TSPEAR: variants seen among roughly 807,000 people sequenced by gnomAD.
TSPEAR encodes thrombospondin-type laminin G domain and EAR repeat-containing protein.
Under a neutral mutation model 71.6 loss-of-function variants are expected in TSPEAR, and 69 were observed. The ratio of observed to expected loss-of-function variants is 0.96; its 90% CI spans 0.79 to 1.18. The LOEUF (loss-of-function observed/expected upper bound fraction) is 1.18. Ranked by LOEUF, TSPEAR falls within the 50% of genes most tolerant of loss-of-function variation. The probability of loss-of-function intolerance (pLI) is 0.00; values close to 1 mark genes in which losing one functional copy is unlikely to be tolerated. For missense variants in TSPEAR, 971 were observed against 894.9 expected (o/e 1.09, Z -1.09); for synonymous variants, 402 against 387.2 (o/e 1.04, Z -0.45).
intron 2 of TSPEAR, among the ~76,000 whole-genome samples, chr21:44,562,287 G>A (rs1480347861): frequency 6.6e-6 from 1 of 152,108 alleles, no homozygotes; most frequent in Non-Finnish European, 1.5e-5. Context: ...ATGTGAAGGA[G>A]CTCTTCAAGG....
intron 1 of TSPEAR, among the ~76,000 whole-genome samples, chr21:44,629,784 A>G (rs1262712793): frequency 1.3e-5 from 2 of 152,140 alleles, no homozygotes; most frequent in African/African-American, 4.8e-5. Flanking sequence ...ACACCCACCA[A>G]ATGGTTCCTG....
At chr21:44,618,108 T>C (rs930240965) in intron 1 of TSPEAR, among the ~76,000 whole-genome samples, 5 of 152,138 alleles carry the variant, frequency 3.3e-5, no homozygotes, top group Non-Finnish European at 7.4e-5. Flanking sequence ...CATCCAAATC[T>C]CATCTTGAAC....
intron 9 of TSPEAR, chr21:44,516,536 A>C (rs1197677417): frequency 6.6e-6 from 1 of 152,004 alleles, no homozygotes; most frequent in Non-Finnish European, 1.5e-5. Flanking sequence ...TTGTACCTCC[A>C]CTAATAAACA....
chr21:44,521,495 G>T (rs781797102), intron 9 of TSPEAR, among the ~76,000 whole-genome samples: 1 of 152,230 alleles, frequency 6.6e-6, no homozygotes, highest in Non-Finnish European at 1.5e-5. Flanking sequence ...CTGCCCCAGG[G>T]CCAGGGCCCT....
chr21:44,626,924 A>C (rs1287943220), intron 1 of TSPEAR, among the ~76,000 whole-genome samples: 3 of 151,974 alleles, frequency 2.0e-5, no homozygotes, highest in African/African-American at 4.8e-5. Flanking sequence ...CATGCAACAG[A>C]CTATAGCCCA....
At chr21:44,601,031 A>G (rs782635083) in intron 1 of TSPEAR, 3 of 1,611,668 alleles carry the variant, frequency 1.9e-6, no homozygotes, top group African/African-American at 2.7e-5. Flanking sequence ...TCATGCTGCC[A>G]GCAGTCTAGC....
At chr21:44,583,137 C>T (rs587652799) in intron 1 of TSPEAR, among the ~76,000 whole-genome samples, 1 of 152,200 alleles carries the variant, frequency 6.6e-6, no homozygotes, top group Non-Finnish European at 1.5e-5. Context: ...GCCACTGCAC[C>T]CGGCCAGATC....
intron 1 of TSPEAR, among the ~76,000 whole-genome samples, chr21:44,661,750 C>T (rs1985507943): frequency 6.6e-6 from 1 of 152,104 alleles, no homozygotes; most frequent in East Asian, 1.9e-4. Context: ...GTGGCCAGAG[C>T]AGGAGCAGGA....
rs1978867129 is a variant in TSPEAR, at chr21:44,580,406, G to T, written c.83-12401C>A. The T allele has an allele frequency of 6.2e-7, 1 of 1,613,046 alleles. No homozygotes were observed. Among genetic ancestry groups the T allele is most frequent in the African/African-American group, 1.3e-5 (1 of 75,028 alleles). On this transcript the variant is annotated intron_variant, in intron 1 of 11. Transcript: ENST00000323084. ...GGTGCAGCCTGATTGGCAGGGGCTG[G>T]GCTCACAGGCCGCCTGGCAGCAGGG...
At chr21:44,549,097 C>T (rs1555918132) in intron 2 of TSPEAR, among the ~76,000 whole-genome samples, 2 of 152,200 alleles carry the variant, frequency 1.3e-5, no homozygotes, top group Non-Finnish European at 2.9e-5. Context: ...GCCCCTGTGC[C>T]CTTTTTTAAC....
intron 1 of TSPEAR, among the ~76,000 whole-genome samples, chr21:44,684,328 A>G (rs1327914634): frequency 6.6e-6 from 1 of 152,194 alleles, no homozygotes; most frequent in Non-Finnish European, 1.5e-5. Context: ...TGAGCCCAAG[A>G]GTTGTAGACC....
At chr21:44,635,345 C>CAAAAAA (rs56054652) in intron 1 of TSPEAR, among the ~76,000 whole-genome samples, 4 of 83,876 alleles carry the variant, frequency 4.8e-5, no homozygotes, top group Admixed American at 1.4e-4. Flanking sequence ...GACTCTGTCT[C>CAAAAAA]AAAAAAAAAA....
At chr21:44,580,004 C>T in intron 1 of TSPEAR, 1 of 1,595,680 alleles carries the variant, frequency 6.3e-7, no homozygotes, top group Non-Finnish European at 8.6e-7. Context: ...AGCCCCAGAG[C>T]AGACGGGCAC....
At chr21:44,690,687 A>T (rs62219821) in intron 1 of TSPEAR, 19,546 of 713,636 alleles carry the variant, frequency 0.027, 353 homozygotes, top group Middle Eastern at 0.052. Flanking sequence ...TAACCATAAA[A>T]CTATTAAGTA....
rs1365518539 is a variant in TSPEAR at position 44,535,149 on chromosome 21, G to T, written c.304-1226C>A. ...CGAAGAAGTTCTGGAGATGGACGGT[G>T]GTGATGGCTGCACAACAACATGGAT... On this transcript the variant is annotated intron_variant, in intron 2 of 11. Transcript: ENST00000323084. 1.2e-4 allele frequency among the ~76,000 whole-genome samples: 19 copies of T among 152,230 alleles called. No individual in the cohort carries two copies. The South Asian group carries it at 3.7e-3, about 30-fold the overall frequency.
Position 44,499,824 on chromosome 21 carries a change from T to G in TSPEAR, c.1969A>C (p.Lys657Gln). Residue 657 changes from lysine (K) to glutamine (Q), a missense_variant, in exon 12 of 12, where the codon AAG becomes CAG. Coordinates refer to ENST00000323084, the MANE Select transcript of TSPEAR (RefSeq NM_144991.3). ...AGAYLIYSSA[K>Q]EPLSRVLRLR... The stretch of plus-strand genomic sequence containing the variant: ...CGCAGGACCCTGGAGAGGGGCTCCT[T>G]GGCGCTGGAGTAGATGAGGTAGGCA... 1 of 1,584,924 alleles carries G rather than the reference T, an allele frequency of 6.3e-7. No homozygotes were observed. The highest frequency in any genetic ancestry group is 8.6e-7 in the Non-Finnish European group (1 of 1,166,834).
intron 1 of TSPEAR, among the ~76,000 whole-genome samples, chr21:44,629,831 A>G (rs1983151968): frequency 6.6e-6 from 1 of 152,172 alleles, no homozygotes; most frequent in South Asian, 2.1e-4. Flanking sequence ...CTGGCTCATA[A>G]GGGGAACTCT....
Position 44,710,072 on chromosome 21 carries a change from GC to G in TSPEAR, c.82+1360del, listed in dbSNP as rs199525389. Among the ~76,000 whole-genome samples the G allele has an allele frequency of 2.6e-5, 4 of 151,994 alleles. No homozygotes were observed. Among genetic ancestry groups the G allele is most frequent in the Non-Finnish European group, 4.4e-5 (3 of 67,988 alleles). ...ATGAAAATACATGTCTGTGACTCAT[GC>G]CCCCCCACCCCCACTCCAGGGTGTG... On this transcript the variant is annotated intron_variant, in intron 1 of 11. Transcript: ENST00000323084. This position sits in a 1 kb window ranked among gnomAD's most constrained non-coding sequence, Gnocchi z 4.6.
At chr21:44,646,256 T>G (rs1441233751) in intron 1 of TSPEAR, among the ~76,000 whole-genome samples, 1 of 145,054 alleles carries the variant, frequency 6.9e-6, no homozygotes, top group African/African-American at 2.6e-5. Context: ...AACAAAGAGA[T>G]AAACCAGCAT....
Sources: allele counts gnomAD v4.1 joint callset (sites outside exome capture counted in the v4.1 genomes callset), GRCh38; gene constraint gnomAD v4.1.1; non-coding constraint Gnocchi (gnomAD v3.1); transcripts MANE v1.5; gene names NCBI Gene and HGNC (gene_info 2026-07-23, HGNC 2026-07-21).